PRAM1: variants seen among roughly 807,000 people sequenced by gnomAD.
PRAM1 encodes the protein PML-RARA-regulated adapter molecule 1.
PRAM1 carries 41 observed loss-of-function variants against 55.3 expected under a neutral mutation model. The ratio of observed to expected loss-of-function variants is 0.74; its 90% CI spans 0.58 to 0.96. PRAM1 has a LOEUF of 0.96. Ranked by LOEUF, PRAM1 falls within the 40% of genes least tolerant of loss-of-function variation. PRAM1 has a pLI of 0.00. For missense variants in PRAM1, 898 were observed against 892.7 expected (o/e 1.01, Z -0.08); for synonymous variants, 401 against 387.1 (o/e 1.04, Z -0.42).
chr19:8,495,745 G>T (rs972399028), intron 4 of PRAM1, among the ~76,000 whole-genome samples: 1 of 151,702 alleles, frequency 6.6e-6, no homozygotes, highest in East Asian at 1.9e-4. Context: ...GGAGTGGAGC[G>T]TACAGATTTA....
rs761014344 is a variant in PRAM1, at chr19:8,498,631, G to A, written c.1177C>T (p.Leu393=). ...PLPSSASESS[L]PAAVAGFSSR... The stretch of plus-strand genomic sequence containing the variant: ...CTGAAGCCGGCCACGGCCGCAGGCA[G>A]TGAGCTCTCGGAAGCGGAGCTGGGG... The change falls in exon 2 of 10, where the codon CTG becomes TTG. Residue 393 remains leucine (L), a synonymous_variant. Transcript: ENST00000423345. The A allele has an allele frequency of 1.6e-5, 25 of 1,612,442 alleles. No homozygotes were observed. Among genetic ancestry groups the A allele is most frequent in the Non-Finnish European group, 5.9e-6 (7 of 1,179,582 alleles).
rs1971767179 is a variant in PRAM1, at chr19:8,499,428, A to G, written c.380T>C (p.Leu127Pro). Residue 127 changes from leucine to proline, a missense_variant, in exon 2 of 10, where the codon CTC becomes CCC. Leu to Pro is a moderately conservative substitution (Grantham distance 98, BLOSUM62 -3). Coordinates refer to ENST00000423345, the MANE Select transcript of PRAM1 (RefSeq NM_032152.5). ...CCCCAGCTGTGGGAACTTCTTGGAG[A>G]GGTCACTCAACTCCAGTTTGGACGG... ...KKPSKLELSDLSKKFPQLGAT... is the reference protein window; with the variant it reads ...KKPSKLELSDPSKKFPQLGAT... 1 of 1,612,082 alleles carries G rather than the reference A, an allele frequency of 6.2e-7. No homozygotes were observed. Among genetic ancestry groups the G allele is most frequent in the Non-Finnish European group, 8.5e-7 (1 of 1,179,824 alleles).
chr19:8,498,100 G>T, intron 3 of PRAM1, 123 bp downstream of exon 3: 1 of 1,073,520 alleles, frequency 9.3e-7, no homozygotes, highest in Non-Finnish European at 1.3e-6. Flanking sequence ...GGCTGTTGTC[G>T]AACTCCTGAC....
At chr19:8,498,354 G>A (rs368336651) in intron 2 of PRAM1, 22 bp downstream of exon 2, 376 of 1,583,984 alleles carry the variant, frequency 2.4e-4, no homozygotes, top group Non-Finnish European at 1.9e-4. Context: ...CGCTCCTGCC[G>A]GTGCCGCCCG....
chr19:8,495,092 A>G lies in PRAM1; in HGVS notation c.1576+2672T>C, dbSNP rs534960383. On this transcript the variant is annotated intron_variant, in intron 4 of 9. Transcript: ENST00000423345. ...ATAGCTGGGATGACAGGTGCATGCC[A>G]CCATGCCCGACTCATTTTTTTTTTT... is the stretch of plus-strand genomic sequence containing the variant. Among the ~76,000 whole-genome samples the G allele has an allele frequency of 5.8e-3, 867 of 148,896 alleles. 16 individuals carry two copies. Among genetic ancestry groups the G allele is most frequent in the African/African-American group, 0.02 (825 of 40,358 alleles).
Position 8,497,756 on chromosome 19 carries a change from C to T in PRAM1, c.1576+8G>A, listed in dbSNP as rs774901085. The T allele has an allele frequency of 6.2e-7, 1 of 1,600,768 alleles. No individual in the cohort carries two copies. Among genetic ancestry groups the T allele is most frequent in the South Asian group, 1.1e-5 (1 of 89,750 alleles). On this transcript the variant is annotated splice_region_variant and intron_variant, in intron 4 of 9. Coordinates refer to ENST00000423345, the MANE Select transcript of PRAM1 (RefSeq NM_032152.5). ...TTTTGCAGGGACTCGGGCAGGCCAC[C>T]AACAAACCTCTGCCCTTGGGGCTGG... is the stretch of plus-strand genomic sequence containing the variant.
chr19:8,498,724 G>A lies in PRAM1; in HGVS notation c.1084C>T (p.Pro362Ser). ...GPPRKFSQPE[P>S]SAVLKRHPQP... Reference sequence around the variant, plus strand: ...GGGTGTCTCTTGAGGACAGCGCTGGGCTCAGGCTGTGAGAACTTGCGGGGT... The same window carrying A: ...GGGTGTCTCTTGAGGACAGCGCTGGACTCAGGCTGTGAGAACTTGCGGGGT... Residue 362 changes from proline (P) to serine (S), a missense_variant, in exon 2 of 10, where the codon CCC becomes TCC. By Grantham distance (74) the Pro-to-Ser change is moderately conservative (BLOSUM62 -1). Around this residue, in one of 4 missense-constraint regions of PRAM1, gnomAD observed 787 missense variants for 735.4 expected, o/e 1.07. Transcript: ENST00000423345. 1 of 1,588,134 alleles carries A rather than the reference G, an allele frequency of 6.3e-7. No individual in the cohort carries two copies. The highest frequency in any genetic ancestry group is 8.6e-7 in the Non-Finnish European group (1 of 1,168,092).
chr19:8,501,682 T>G (rs1338871516), intron 1 of PRAM1, among the ~76,000 whole-genome samples: 1 of 152,086 alleles, frequency 6.6e-6, no homozygotes, highest in African/African-American at 2.4e-5. Flanking sequence ...AAGACAGCCA[T>G]GTACTCAGCC....
rs147092195 is a variant in PRAM1 at position 8,490,988 on chromosome 19, TCTC to T, written c.1639_1641del (p.Glu547del). ...GGCAACTGCTGTGGCTGGGGATCCTTCTCCTTCCTGATAGCCCCCACCAAGGAA... is the reference window on the plus strand; with the variant it reads ...GGCAACTGCTGTGGCTGGGGATCCTTCTTCCTGATAGCCCCCACCAAGGAA... On this transcript the variant is annotated inframe_deletion, in exon 6 of 10. Transcript: ENST00000423345. The surrounding 1 kb of genome is among the most constrained non-coding windows in gnomAD (Gnocchi z 7.3). The T allele has an allele frequency of 5.4e-3, 8,670 of 1,613,622 alleles. 268 individuals are homozygous for T. The African/African-American group carries it at 0.078, about 14-fold the overall frequency.
At chr19:8,492,364 C>T (rs532310731) in intron 4 of PRAM1, among the ~76,000 whole-genome samples, 1 of 152,168 alleles carries the variant, frequency 6.6e-6, no homozygotes, top group South Asian at 2.1e-4. Flanking sequence ...TCAAGCGATT[C>T]TCCTGCCTCA....
intron 4 of PRAM1, among the ~76,000 whole-genome samples, chr19:8,492,228 C>A (rs1316621121): frequency 7.9e-6 from 1 of 127,266 alleles, no homozygotes; most frequent in Non-Finnish European, 1.7e-5. Context: ...AGCCACCGTG[C>A]CTAGCCGTTT....
chr19:8,497,849 A>G lies in PRAM1; in HGVS notation c.1500-9T>C, dbSNP rs1388349636. On this transcript the variant is annotated splice_polypyrimidine_tract_variant and intron_variant, in intron 3 of 9. Transcript: ENST00000423345. The stretch of plus-strand genomic sequence containing the variant: ...AGATCTCATCTGGGACCCTGCGGGG[A>G]TACCTGAGATGAGGCCTCTTCTTTT... 1.0e-6 allele frequency: 1 copy of G among 1,001,054 alleles called. No individual in the cohort carries two copies. The highest frequency in any genetic ancestry group is 1.4e-5 in the South Asian group (1 of 73,956). 62.0% of individuals were successfully genotyped at this position (1,001,054 alleles called of 1,614,324 possible). A position where few individuals can be genotyped will look rare whatever the true frequency, so the allele number is the denominator to read the frequency against.
intron 4 of PRAM1, among the ~76,000 whole-genome samples, chr19:8,497,013 G>C (rs568543224): frequency 6.6e-6 from 1 of 152,092 alleles, no homozygotes; most frequent in East Asian, 1.9e-4. Flanking sequence ...GTGACAGAGC[G>C]AGACTCCATC....
rs1225118349 is a variant in PRAM1, at chr19:8,493,430, G to A, written c.1577-2273C>T. Among the ~76,000 whole-genome samples the A allele has an allele frequency of 6.6e-6, 1 of 152,166 alleles. No individual in the cohort carries two copies. The highest frequency in any genetic ancestry group is 2.4e-5 in the African/African-American group (1 of 41,438). On this transcript the variant is annotated intron_variant, in intron 4 of 9. Transcript: ENST00000423345. The surrounding 1 kb of genome is among the most constrained non-coding windows in gnomAD (Gnocchi z 4.1). ...TGGCCGTGAGCAGTCACTCCACCAGGAGCGAACCTGACCTTGGCACTCCAG... is the reference window on the plus strand; with the variant it reads ...TGGCCGTGAGCAGTCACTCCACCAGAAGCGAACCTGACCTTGGCACTCCAG...
At chr19:8,500,004 G>C (rs1255250095) in intron 1 of PRAM1, among the ~76,000 whole-genome samples, 1 of 151,702 alleles carries the variant, frequency 6.6e-6, no homozygotes, top group Non-Finnish European at 1.5e-5. Context: ...ACCTCCTCTA[G>C]CAGCACTGGA....
intron 4 of PRAM1, among the ~76,000 whole-genome samples, chr19:8,494,012 G>T (rs1971663919): frequency 6.6e-6 from 1 of 152,120 alleles, no homozygotes; most frequent in South Asian, 2.1e-4. Context: ...TGGCCAGGCT[G>T]GTCTCGAACT....
At chr19:8,498,028 C>T (rs574674163) in intron 3 of PRAM1, among the ~76,000 whole-genome samples, 188 bp from the exon 4 acceptor site, 1 of 151,748 alleles carries the variant, frequency 6.6e-6, no homozygotes, top group Admixed American at 6.6e-5. Flanking sequence ...ATTACAGGTG[C>T]CCCCCACCAC....
At chr19:8,492,668 T>C (rs368288837) in intron 4 of PRAM1, among the ~76,000 whole-genome samples, 5 of 151,990 alleles carry the variant, frequency 3.3e-5, no homozygotes, top group African/African-American at 1.2e-4. Context: ...AGAAATTGGG[T>C]GTTCCATTGC....
chr19:8,500,262 C>A (rs1015591884), intron 1 of PRAM1, among the ~76,000 whole-genome samples: 5 of 146,150 alleles, frequency 3.4e-5, no homozygotes, highest in Non-Finnish European at 7.6e-5. Flanking sequence ...CTTGAGCCGC[C>A]GCGCCCAGGC....
Sources: allele counts gnomAD v4.1 joint callset (sites outside exome capture counted in the v4.1 genomes callset), GRCh38; gene constraint gnomAD v4.1.1; regional missense constraint gnomAD v4.1.1; non-coding constraint Gnocchi (gnomAD v3.1); transcripts MANE v1.5; gene names NCBI Gene and HGNC (gene_info 2026-07-23, HGNC 2026-07-21).